SEC14L1: variants seen among roughly 807,000 people sequenced by gnomAD.
SEC14L1 encodes the protein SEC14 like lipid binding 1.
A neutral mutation model predicts 85.3 loss-of-function variants in SEC14L1; 48 were observed. The observed-to-expected ratio is 0.56, with a 90% CI of 0.45 to 0.72. The LOEUF (loss-of-function observed/expected upper bound fraction) is 0.72, where lower values mean the gene tolerates loss of function less well. SEC14L1 is among the 30% of genes least tolerant of loss of function. The probability of loss-of-function intolerance (pLI) is 0.00; values close to 1 mark genes in which losing one functional copy is unlikely to be tolerated. For synonymous variants in SEC14L1, 391 were observed against 355.5 expected (o/e 1.10, Z -1.12); for missense variants, 682 against 921.4 (o/e 0.74, Z 3.36).
rs761868033 is a variant in SEC14L1 at position 77,212,008 on chromosome 17, A to G, written c.1670A>G (p.Lys557Arg). ...SVITWDFDVCKGDIVFNIYHS... is the reference protein window; with the variant it reads ...SVITWDFDVCRGDIVFNIYHS... The stretch of plus-strand genomic sequence containing the variant: ...ATCACTTGGGATTTCGACGTGTGCA[A>G]AGGGGACATTGTGTTTAACATCTAT... Residue 557 changes from lysine (K) to arginine (R), a missense_variant, in exon 15 of 17, where the codon AAA becomes AGA. By Grantham distance (26) the Lys-to-Arg change is conservative. Coordinates refer to ENST00000436233, the MANE Select transcript of SEC14L1 (RefSeq NM_001143998.2). 1 of 1,614,088 alleles carries G rather than the reference A, an allele frequency of 6.2e-7. No individual in the cohort carries two copies.
At chr17:77,146,239 C>T (rs555117007) in intron 3 of SEC14L1, among the ~76,000 whole-genome samples, 4 of 152,226 alleles carry the variant, frequency 2.6e-5, no homozygotes, top group Admixed American at 1.3e-4. Context: ...GAGTGGCTGC[C>T]CACGGCCCGG....
intron 9 of SEC14L1, among the ~76,000 whole-genome samples, chr17:77,201,916 C>T (rs1362488737): frequency 6.6e-6 from 1 of 152,174 alleles, no homozygotes. Flanking sequence ...AAATGTTACC[C>T]TCTAACCCTC....
intron 3 of SEC14L1, chr17:77,152,651 A>G (rs1459698023): frequency 1.3e-5 from 2 of 152,148 alleles, no homozygotes; most frequent in East Asian, 1.9e-4. Context: ...CTCACTGACT[A>G]TGATGGGGCC....
At chr17:77,113,182 A>G (rs531163506) in intron 3 of SEC14L1, among the ~76,000 whole-genome samples, 1 of 152,326 alleles carries the variant, frequency 6.6e-6, no homozygotes, top group South Asian at 2.1e-4. Context: ...AAGAAAGAAA[A>G]GAAAAATAAT....
chr17:77,140,944 T>G (rs1972976341), upstream of SEC14L1: 1 of 126,944 alleles, frequency 7.9e-6, no homozygotes, highest in African/African-American at 2.9e-5. Flanking sequence ...CAACCACAAG[T>G]GCCGTCGCCG....
Position 77,214,425 on chromosome 17 carries a change from G to T in SEC14L1, c.*402G>T. On this transcript the variant is annotated 3_prime_UTR_variant, in exon 17 of 17. Coordinates refer to ENST00000436233, the MANE Select transcript of SEC14L1 (RefSeq NM_001143998.2). ...CTCCAGAGATGGCCCCTCCTCACCT[G>T]GGACGGAAGCTGCCAGCTCGCTTCC... The T allele has an allele frequency of 3.0e-6, 3 of 1,001,616 alleles. No homozygotes were observed. The South Asian group carries it at 1.3e-4, about 42-fold the overall frequency. The allele number at this position is 1,001,616 out of a possible 1,614,324, so 62.0% of individuals were successfully genotyped here.
At chr17:77,140,820 TC>T (rs907721354), upstream of SEC14L1, 2 of 149,252 alleles carry the variant, frequency 1.3e-5, no homozygotes, top group Non-Finnish European at 1.5e-5. Flanking sequence ...CCGGGTGTCC[TC>T]CCCCCTCCCC....
At chr17:77,129,309 T>C (rs1463674699) in intron 3 of SEC14L1, among the ~76,000 whole-genome samples, 1 of 152,110 alleles carries the variant, frequency 6.6e-6, no homozygotes, top group Non-Finnish European at 1.5e-5. Flanking sequence ...TTTTTTTCCT[T>C]TGGAGGAGGA....
chr17:77,093,428 T>TA, intron 3 of SEC14L1: 1 of 152,354 alleles, frequency 6.6e-6, no homozygotes, highest in Admixed American at 6.5e-5. Flanking sequence ...TATAAATAGA[T>TA]ACACGCCAAG....
At position 77,213,075 on chromosome 17, in the gene SEC14L1, A is replaced by G. The variant is rs1976847175; in HGVS notation, c.1864-239A>G. 2.6e-5 allele frequency among the ~76,000 whole-genome samples: 4 copies of G among 152,240 alleles called. No individual in the cohort carries two copies. The South Asian group carries it at 8.3e-4, about 31-fold the overall frequency. ...GGGCTGGGCAGGCCTCGTGAGGGCC[A>G]CGGACATGGAGCTTGTCCCTCCGGG... On this transcript the variant is annotated intron_variant, in intron 15 of 16. Transcript: ENST00000436233. The surrounding 1 kb of genome is among the most constrained non-coding windows in gnomAD (Gnocchi z 7.1).
chr17:77,106,184 A>G (rs1040195583), intron 3 of SEC14L1, among the ~76,000 whole-genome samples: 1 of 152,092 alleles, frequency 6.6e-6, no homozygotes, highest in Non-Finnish European at 1.5e-5. Context: ...GCTTGAGCCC[A>G]GGAGTTGGAG....
chr17:77,112,374 A>G (rs566031522), intron 3 of SEC14L1, among the ~76,000 whole-genome samples: 12 of 152,014 alleles, frequency 7.9e-5, no homozygotes, highest in Admixed American at 1.3e-4. Context: ...TAAGAATTAT[A>G]ATTTCTAAGT....
intron 3 of SEC14L1, among the ~76,000 whole-genome samples, chr17:77,157,396 G>T (rs901607710): frequency 6.6e-6 from 1 of 152,162 alleles, no homozygotes; most frequent in Non-Finnish European, 1.5e-5. Context: ...GGTGAGTCCC[G>T]CAGTCTGTGG....
intron 3 of SEC14L1, among the ~76,000 whole-genome samples, chr17:77,117,435 C>T (rs373539454): frequency 6.6e-6 from 1 of 152,282 alleles, no homozygotes; most frequent in Non-Finnish European, 1.5e-5. Context: ...GAAACCCAAT[C>T]GACATCTTTC....
At position 77,206,455 on chromosome 17, in the gene SEC14L1, T is replaced by C. The variant is rs1278599391; in HGVS notation, c.1341+55T>C. The C allele has an allele frequency of 1.3e-6, 2 of 1,566,060 alleles. No homozygotes were observed. Among genetic ancestry groups the C allele is most frequent in the East Asian group, 2.3e-5 (1 of 44,354 alleles). Reference sequence around the variant, plus strand: ...TGAGCCATTTGGAAAGCAGATAACATGCATTCATATACACGTGTCTGTGAC... The same window carrying C: ...TGAGCCATTTGGAAAGCAGATAACACGCATTCATATACACGTGTCTGTGAC... On this transcript the variant is annotated intron_variant, in intron 12 of 16. Transcript: ENST00000436233. This position sits in a 1 kb window ranked among gnomAD's most constrained non-coding sequence, Gnocchi z 4.3.
rs200999572 is a variant in SEC14L1, at chr17:77,214,803, C to A, written c.*780C>A. On this transcript the variant is annotated 3_prime_UTR_variant, in exon 17 of 17. Coordinates refer to ENST00000436233, the MANE Select transcript of SEC14L1 (RefSeq NM_001143998.2). ...GGGGTTCTTCCCGTTTCCTTCCGTG[C>A]GTCGCCCCTCTCACCTGCAGTCAGC... 4.1e-6 allele frequency: 4 copies of A among 985,468 alleles called. No homozygotes were observed. The highest frequency in any genetic ancestry group is 4.8e-6 in the Non-Finnish European group (4 of 830,010). 61.0% of individuals were successfully genotyped at this position (985,468 alleles called of 1,614,324 possible). A position where few individuals can be genotyped will look rare whatever the true frequency, so the allele number is the denominator to read the frequency against.
intron 3 of SEC14L1, among the ~76,000 whole-genome samples, chr17:77,117,145 C>T (rs756832488): frequency 2.1e-4 from 32 of 152,150 alleles, no homozygotes; most frequent in Non-Finnish European, 3.4e-4. Flanking sequence ...GTCAGGAGTT[C>T]GAGACCAGCC....
chr17:77,122,272 G>A (rs1972319017), intron 3 of SEC14L1, among the ~76,000 whole-genome samples: 1 of 151,822 alleles, frequency 6.6e-6, no homozygotes, highest in South Asian at 2.1e-4. Flanking sequence ...TGGATAGTGA[G>A]ATTATCATTA....
chr17:77,132,725 CT>C (rs1972649864), intron 3 of SEC14L1, among the ~76,000 whole-genome samples: 1 of 152,132 alleles, frequency 6.6e-6, no homozygotes, highest in South Asian at 2.1e-4. Context: ...AGCATTATCT[CT>C]TGTTTCTTTT....
Sources: allele counts gnomAD v4.1 joint callset (sites outside exome capture counted in the v4.1 genomes callset), GRCh38; gene constraint gnomAD v4.1.1; non-coding constraint Gnocchi (gnomAD v3.1); transcripts MANE v1.5; gene names NCBI Gene and HGNC (gene_info 2026-07-23, HGNC 2026-07-21).